EHBP1: variants seen among roughly 807,000 people sequenced by gnomAD.
The protein encoded by EHBP1 is EH domain binding protein 1.
A neutral mutation model predicts 144.0 loss-of-function variants in EHBP1; 55 were observed. The ratio of observed to expected loss-of-function variants is 0.38; its 90% CI spans 0.31 to 0.48. The LOEUF (loss-of-function observed/expected upper bound fraction) is 0.48. EHBP1 is among the 20% of genes least tolerant of loss of function. The pLI, the probability that EHBP1 is intolerant of heterozygous loss-of-function variation, is 0.98. For synonymous variants in EHBP1, 469 were observed against 472.7 expected (o/e 0.99, Z 0.10); for missense variants, 1,200 against 1,364.2 (o/e 0.88, Z 1.90).
At chr2:62,953,472 C>T (rs1305529096) in intron 13 of EHBP1, among the ~76,000 whole-genome samples, 1 of 151,722 alleles carries the variant, frequency 6.6e-6, no homozygotes, top group African/African-American at 2.4e-5. Flanking sequence ...TCGCTTGGGC[C>T]TGAGAGGTCA....
chr2:62,705,474 C>T (rs1029826844), upstream of EHBP1, among the ~76,000 whole-genome samples: 1 of 152,034 alleles, frequency 6.6e-6, no homozygotes, highest in Non-Finnish European at 1.5e-5. Flanking sequence ...GCGGGATCGT[C>T]CTTAGTCGGT....
chr2:62,774,696 T>A (rs1286842470), intron 5 of EHBP1, among the ~76,000 whole-genome samples: 2 of 151,874 alleles, frequency 1.3e-5, no homozygotes, highest in Non-Finnish European at 2.9e-5. Context: ...ATAAAAAAAA[T>A]TAACTGGACG....
At chr2:62,683,516 G>A (rs979244314) in intron 1 of EHBP1, among the ~76,000 whole-genome samples, 1 of 151,976 alleles carries the variant, frequency 6.6e-6, no homozygotes, top group Admixed American at 6.6e-5. Context: ...AAAATTAGCT[G>A]GGCATGGTGG....
intron 19 of EHBP1, among the ~76,000 whole-genome samples, chr2:63,030,271 C>G (rs2061177158): frequency 6.6e-6 from 1 of 152,100 alleles, no homozygotes; most frequent in African/African-American, 2.4e-5. Flanking sequence ...GTCAGTTGCT[C>G]TATCACGTGT....
At chr2:63,026,097 A>G (rs541775873) in intron 19 of EHBP1, among the ~76,000 whole-genome samples, 17 of 152,202 alleles carry the variant, frequency 1.1e-4, no homozygotes, top group Non-Finnish European at 1.8e-4. Context: ...AATATACTCA[A>G]TGAAACTAAC....
chr2:62,911,964 T>C (rs752001785), intron 10 of EHBP1, among the ~76,000 whole-genome samples: 2 of 152,198 alleles, frequency 1.3e-5, no homozygotes, highest in Non-Finnish European at 2.9e-5. Context: ...GAAATATATA[T>C]AAATGTATTT....
chr2:63,017,206 T>C (rs1012084557), intron 19 of EHBP1, among the ~76,000 whole-genome samples: 3 of 152,194 alleles, frequency 2.0e-5, no homozygotes, highest in Admixed American at 2.0e-4. Flanking sequence ...TGTCCTGTGA[T>C]AGAGATGGGG....
At position 62,740,610 on chromosome 2, in the gene EHBP1, T is replaced by G. The variant is rs116497580; in HGVS notation, c.105-6785T>G. Among the ~76,000 whole-genome samples, 322 of 152,300 alleles carry G rather than the reference T, an allele frequency of 2.1e-3. 3 individuals carry two copies. Among genetic ancestry groups the G allele is most frequent in the African/African-American group, 6.7e-3 (277 of 41,570 alleles). On this transcript the variant is annotated intron_variant, in intron 2 of 22. Transcript: ENST00000431489. ...TAAGAGTCCTTTTCCCTAAAAGAAA[T>G]AACCTTATTAGTGAAGTGCCTATTC...
At position 62,896,226 on chromosome 2, in the gene EHBP1, CAT is replaced by C. The variant is rs550949692; in HGVS notation, c.1185+21695_1185+21696del. Among the ~76,000 whole-genome samples the C allele has an allele frequency of 1.6e-4, 25 of 152,224 alleles. No individual in the cohort carries two copies. In the East Asian group the frequency reaches 4.8e-3, roughly 29 times the overall value. On this transcript the variant is annotated intron_variant, in intron 10 of 22. Transcript: ENST00000431489. ...AGTAAGGGAGAAGAATTCCAGGCAA[CAT>C]GTGTGAAGTCCTTGAAGCAAGTAAT...
intron 2 of EHBP1, among the ~76,000 whole-genome samples, chr2:62,743,873 T>C (rs1295044215): frequency 2.0e-5 from 3 of 152,132 alleles, no homozygotes; most frequent in Non-Finnish European, 2.9e-5. Flanking sequence ...TCCTCTGTGC[T>C]CTTCCTCACT....
At chr2:62,959,193 G>A (rs1332814043) in intron 14 of EHBP1, among the ~76,000 whole-genome samples, 1 of 152,168 alleles carries the variant, frequency 6.6e-6, no homozygotes, top group African/African-American at 2.4e-5. Context: ...CTATGTTGTA[G>A]AATGTGACAG....
intron 5 of EHBP1, among the ~76,000 whole-genome samples, chr2:62,773,434 G>A (rs1355827823): frequency 6.6e-6 from 1 of 151,948 alleles, no homozygotes; most frequent in Non-Finnish European, 1.5e-5. Context: ...ATTCATCTCT[G>A]TATCTACCAC....
At chr2:62,819,035 G>A (rs1192501077) in intron 5 of EHBP1, among the ~76,000 whole-genome samples, 1 of 152,118 alleles carries the variant, frequency 6.6e-6, no homozygotes, top group Non-Finnish European at 1.5e-5. Context: ...TGAGGCTAAT[G>A]TAACCAGGGA....
At chr2:62,998,047 T>TA (rs1171656973) in intron 19 of EHBP1, among the ~76,000 whole-genome samples, 1 of 150,566 alleles carries the variant, frequency 6.6e-6, no homozygotes. Context: ...AAATACTTTT[T>TA]AAAAAAAACT....
intron 2 of EHBP1, among the ~76,000 whole-genome samples, chr2:62,721,192 G>C (rs2036189972): frequency 6.6e-6 from 1 of 152,070 alleles, no homozygotes; most frequent in African/African-American, 2.4e-5. Context: ...TTTGCCAAGT[G>C]CTGGTTAGGT....
Position 62,948,596 on chromosome 2 carries a change from A to G in EHBP1, c.1750A>G (p.Ser584Gly), listed in dbSNP as rs2153090002. The G allele has an allele frequency of 6.2e-7, 1 of 1,614,036 alleles. No homozygotes were observed. Among genetic ancestry groups the G allele is most frequent in the East Asian group, 2.2e-5 (1 of 44,850 alleles). ...SQDDSVFVND[S>G]GVGESESEHQ... Reference sequence around the variant, plus strand: ...GGATGACTCTGTATTTGTAAATGATAGCGGGGTTGGAGAGTCAGAAAGTGA... The same window carrying G: ...GGATGACTCTGTATTTGTAAATGATGGCGGGGTTGGAGAGTCAGAAAGTGA... Residue 584 changes from serine (S) to glycine (G), a missense_variant, in exon 13 of 23, where the codon AGC (serine) becomes GGC (glycine). Transcript: ENST00000431489.
At chr2:62,934,043 T>G (rs990309341) in intron 10 of EHBP1, among the ~76,000 whole-genome samples, 1 of 152,224 alleles carries the variant, frequency 6.6e-6, no homozygotes, top group Non-Finnish European at 1.5e-5. Context: ...CATTTTTGCA[T>G]ATGTATTCTA....
At chr2:63,035,285 A>G (rs1042293471) in intron 19 of EHBP1, among the ~76,000 whole-genome samples, 6 of 152,092 alleles carry the variant, frequency 3.9e-5, no homozygotes, top group African/African-American at 1.4e-4. Context: ...TTTATCTTCA[A>G]ATATGTTTTT....
intron 1 of EHBP1, among the ~76,000 whole-genome samples, chr2:62,697,707 A>G (rs1023130245): frequency 1.3e-5 from 2 of 152,220 alleles, no homozygotes; most frequent in African/African-American, 2.4e-5. Context: ...TAATAAATTA[A>G]CAGATTTTTC....
Sources: gnomAD v4.1 joint callset for allele counts (sites outside exome capture counted in the v4.1 genomes callset) on GRCh38, gnomAD v4.1.1 for gene constraint, MANE v1.5 for transcripts, NCBI Gene and HGNC (gene_info 2026-07-23, HGNC 2026-07-21) for gene names.